Variants in TGFBRAP1 observed in about 807,000 individuals in gnomAD.
TGFBRAP1 encodes the protein transforming growth factor-beta receptor-associated protein 1.
In TGFBRAP1, 20 loss-of-function variants were observed where a neutral mutation model predicts 83.2. The observed-to-expected ratio is 0.24, with a 90% confidence interval of 0.17 to 0.35. The LOEUF is 0.35. Ranked by LOEUF, TGFBRAP1 falls within the 10% of genes least tolerant of loss-of-function variation. The probability of loss-of-function intolerance (pLI) is 1.00; values close to 1 mark genes in which losing one functional copy is unlikely to be tolerated. For missense variants in TGFBRAP1, 950 were observed against 1,099.4 expected, an observed-to-expected ratio of 0.86 and a Z score of 1.92; for synonymous variants, 415 against 459.8, an observed-to-expected ratio of 0.90 and a Z score of 1.25.
At chr2:105,251,665 G>A in the TGFBRAP1 span, among the ~76,000 whole-genome samples, 1 of 152,246 alleles carries the variant, frequency 6.6e-6, no homozygotes, top group African/African-American at 2.4e-5. Flanking sequence ...CATTGAGAAG[G>A]GGCCATGATG....
At chr2:105,289,817 G>A (rs550638326) in intron 4 of TGFBRAP1, among the ~76,000 whole-genome samples, 2 of 152,306 alleles carry the variant, frequency 1.3e-5, no homozygotes, top group South Asian at 4.1e-4. Context: ...ACACTTCTGA[G>A]TATAGAATTG....
intron 6 of TGFBRAP1, among the ~76,000 whole-genome samples, chr2:105,279,620 A>AGAGGCGGAGCTTGCAGTG (rs1553402364): frequency 1.9e-4 from 28 of 150,726 alleles, no homozygotes; most frequent in South Asian, 4.2e-4. Flanking sequence ...CCTCCCTTTG[A>AGAGGCGGAGCTTGCAGTG]ATCTGTTTAT....
intron 2 of TGFBRAP1, among the ~76,000 whole-genome samples, chr2:105,300,505 C>T (rs1267447180): frequency 6.8e-6 from 1 of 147,178 alleles, no homozygotes; most frequent in Non-Finnish European, 1.5e-5. Context: ...GGCACCATCT[C>T]GGCTCACTGC....
intron 1 of TGFBRAP1, among the ~76,000 whole-genome samples, chr2:105,310,790 C>T (rs1678664161): frequency 6.6e-6 from 1 of 152,124 alleles, no homozygotes; most frequent in South Asian, 2.1e-4. Flanking sequence ...ATGTCAGCTT[C>T]CAGACATCTA....
chr2:105,259,496 A>G (rs1443706335), downstream of TGFBRAP1, among the ~76,000 whole-genome samples: 1 of 152,206 alleles, frequency 6.6e-6, no homozygotes, highest in Non-Finnish European at 1.5e-5. Context: ...TTGGAACCCT[A>G]CTAGCTGAAG....
At chr2:105,314,532 G>A (rs1408732107) in intron 1 of TGFBRAP1, among the ~76,000 whole-genome samples, 2 of 151,854 alleles carry the variant, frequency 1.3e-5, no homozygotes, top group African/African-American at 4.8e-5. Context: ...TTACAGGCGT[G>A]AGCCACCGCG....
intron 1 of TGFBRAP1, 46 bp from the exon 2 acceptor site, chr2:105,308,364 G>A: frequency 6.7e-7 from 1 of 1,493,590 alleles, no homozygotes; most frequent in East Asian, 2.4e-5. Context: ...CAAGGAAGAA[G>A]CAGAAACAGA....
In TGFBRAP1 at chr2:105,269,041, C is replaced by T. The variant is rs979266652; in HGVS notation, c.2406+231G>A. Among the ~76,000 whole-genome samples, 3 of 152,246 alleles carry T rather than the reference C, an allele frequency of 2.0e-5. No individual in the cohort carries two copies. Among genetic ancestry groups the T allele is most frequent in the African/African-American group, 7.2e-5 (3 of 41,462 alleles). ...TCTCCTCCCTACAGACTCTCTTAAT[C>T]ACCAGCGTCCAAAAGGGGAGAAAAA... On this transcript the variant is annotated intron_variant, in intron 11 of 11. Coordinates refer to ENST00000393359, the MANE Select transcript of TGFBRAP1 (RefSeq NM_004257.6). This position sits in a 1 kb window ranked among gnomAD's most constrained non-coding sequence, Gnocchi z 4.1.
the TGFBRAP1 span, among the ~76,000 whole-genome samples, chr2:105,251,039 C>G: frequency 6.6e-6 from 1 of 152,222 alleles, no homozygotes; most frequent in Non-Finnish European, 1.5e-5. Flanking sequence ...CTTGGCCTCC[C>G]AAAGTGCCGA....
intron 1 of TGFBRAP1, among the ~76,000 whole-genome samples, chr2:105,313,896 CA>C (rs1329526928): frequency 2.0e-5 from 3 of 151,758 alleles, no homozygotes; most frequent in Non-Finnish European, 2.9e-5. Context: ...CCTTTTGAAA[CA>C]AGGAACAAGA....
chr2:105,298,196 A>G (rs1019221282), intron 3 of TGFBRAP1, among the ~76,000 whole-genome samples: 6 of 152,136 alleles, frequency 3.9e-5, no homozygotes, highest in African/African-American at 7.2e-5. Context: ...GCTGACTCCT[A>G]TGCATCCTTA....
At chr2:105,295,408 C>T (rs1678048147) in intron 4 of TGFBRAP1, among the ~76,000 whole-genome samples, 1 of 152,166 alleles carries the variant, frequency 6.6e-6, no homozygotes, top group African/African-American at 2.4e-5. Context: ...ATGGAATAAC[C>T]TGTACAACCT....
At chr2:105,325,983 T>C (rs1007652642) in intron 1 of TGFBRAP1, among the ~76,000 whole-genome samples, 16 of 152,130 alleles carry the variant, frequency 1.1e-4, no homozygotes, top group African/African-American at 3.6e-4. Flanking sequence ...AGATTAGTTA[T>C]AGTGCAATGA....
intron 1 of TGFBRAP1, among the ~76,000 whole-genome samples, chr2:105,316,492 A>T (rs1573218099): frequency 7.0e-6 from 1 of 142,900 alleles, no homozygotes; most frequent in East Asian, 2.0e-4. Flanking sequence ...CGCGCACATA[A>T]CTCAAAAAGC....
intron 2 of TGFBRAP1, among the ~76,000 whole-genome samples, chr2:105,303,648 T>C (rs1200329199): frequency 6.6e-6 from 1 of 152,184 alleles, no homozygotes; most frequent in African/African-American, 2.4e-5. Context: ...AGTAACTGAA[T>C]TGATCTGGGC....
At chr2:105,259,073 T>TTGATG in the TGFBRAP1 span, among the ~76,000 whole-genome samples, 3 of 152,332 alleles carry the variant, frequency 2.0e-5, no homozygotes, top group East Asian at 5.8e-4. Flanking sequence ...GCTCTCAAGT[T>TTGATG]TGATGTGATG....
chr2:105,269,809 C>G lies in TGFBRAP1; in HGVS notation c.1973-104G>C, dbSNP rs996110479. The G allele has an allele frequency of 1.7e-4, 219 of 1,300,880 alleles. No individual in the cohort carries two copies. The highest frequency in any genetic ancestry group is 2.1e-4 in the Non-Finnish European group (210 of 987,140). 80.6% of individuals were successfully genotyped at this position (1,300,880 alleles called of 1,614,324 possible). A position where few individuals can be genotyped will look rare whatever the true frequency, so the allele number is the denominator to read the frequency against. ...GGGCTTCAGGAGGGGAAAAGTCAAC[C>G]TGGCTCCCTCACAATGCCAAATGCT... On this transcript the variant is annotated intron_variant, in intron 10 of 11. Transcript: ENST00000393359. The surrounding 1 kb of genome is among the most constrained non-coding windows in gnomAD (Gnocchi z 4.1).
chr2:105,314,508 C>T (rs1367094456), intron 1 of TGFBRAP1, among the ~76,000 whole-genome samples: 1 of 151,826 alleles, frequency 6.6e-6, no homozygotes, highest in Non-Finnish European at 1.5e-5. Context: ...TCTCAGCCTC[C>T]CAAAGTGCTG....
At chr2:105,261,977 G>A (rs993808543), downstream of TGFBRAP1, among the ~76,000 whole-genome samples, 3 of 152,164 alleles carry the variant, frequency 2.0e-5, no homozygotes, top group Non-Finnish European at 4.4e-5. Context: ...TGTGGGATGT[G>A]TGCATGAGTC....
Sources: gnomAD v4.1 joint callset for allele counts (sites outside exome capture counted in the v4.1 genomes callset) on GRCh38, gnomAD v4.1.1 for gene constraint, Gnocchi (gnomAD v3.1) non-coding constraint, MANE v1.5 for transcripts, NCBI Gene and HGNC (gene_info 2026-07-23, HGNC 2026-07-21) for gene names.